Variants in ZNF20 observed in about 807,000 individuals in gnomAD.
ZNF20 encodes the protein zinc finger protein KOX13.
Under a neutral mutation model 11.0 loss-of-function variants are expected in ZNF20, and 9 were observed. That is an observed-to-expected ratio of 0.82 (90% CI 0.49 to 1.43). The LOEUF (loss-of-function observed/expected upper bound fraction) is 1.43. ZNF20 is among the 40% of genes most tolerant of loss of function. ZNF20 has a pLI of 0.00. For missense variants in ZNF20, 528 were observed against 640.8 expected (o/e 0.82, Z 1.90); for synonymous variants, 182 against 213.0 (o/e 0.85, Z 1.27).
chr19:12,134,512 G>A (rs1344739135), intron 3 of ZNF20, among the ~76,000 whole-genome samples: 4 of 151,982 alleles, frequency 2.6e-5, no homozygotes, highest in African/African-American at 4.8e-5. Flanking sequence ...GTGTGACGGC[G>A]TGCGCTTGTA....
At position 12,135,830 on chromosome 19, in the gene ZNF20, A is replaced by C. The variant is rs759062025; in HGVS notation, c.78T>G (p.Pro26=). Residue 26 remains proline (P), a synonymous_variant, in exon 2 of 4, where the codon CCT becomes CCG. Coordinates refer to ENST00000334213, the MANE Select transcript of ZNF20 (RefSeq NM_021143.4). The stretch of plus-strand genomic sequence containing the variant: ...CATCCCTGTAGAGATTCTTCTGGGA[A>C]GGATCCAGCAAAGCCCACTCCTCCT... ...FTQEEWALLD[P]SQKNLYRDVM... 1 of 1,614,054 alleles carries C rather than the reference A, an allele frequency of 6.2e-7. No individual in the cohort carries two copies. The highest frequency in any genetic ancestry group is 1.3e-5 in the African/African-American group (1 of 74,926).
intron 1 of ZNF20, among the ~76,000 whole-genome samples, chr19:12,138,346 G>A (rs1976744932): frequency 6.6e-6 from 1 of 151,356 alleles, no homozygotes; most frequent in South Asian, 2.1e-4. Context: ...TCGGGAGACT[G>A]AGGGCAGGAG....
Position 12,132,651 on chromosome 19 carries a change from C to T in ZNF20, c.1535G>A (p.Gly512Asp). The T allele has an allele frequency of 6.2e-7, 1 of 1,613,714 alleles. No individual in the cohort carries two copies. Among genetic ancestry groups the T allele is most frequent in the Non-Finnish European group, 8.5e-7 (1 of 1,179,878 alleles). The change falls in exon 4 of 4, where the codon GGC becomes GAC. Residue 512 changes from glycine (G) to aspartate (D), a missense_variant. Transcript: ENST00000334213. Reference protein sequence around the residue: ...GEKPYQCKQCGKAFIRASSCR... With the variant: ...GEKPYQCKQCDKAFIRASSCR... ...TGAACTGGCACGAATAAAGGCTTTG[C>T]CACATTGCTTGCATTGATAGGGTTT...
intron 3 of ZNF20, 85 bp downstream of exon 3, chr19:12,135,415 C>T (rs1976694335): frequency 1.4e-6 from 2 of 1,401,798 alleles, no homozygotes; most frequent in Non-Finnish European, 2.0e-6. Context: ...GCTGGGATTA[C>T]AGGCGTGAGC....
rs2145596472 is a variant in ZNF20, at chr19:12,132,702, T to C, written c.1484A>G (p.Tyr495Cys). ...GKAFISNYIR[Y>C]HERTHTGEKP... is the part of the protein sequence containing the mutation. ...CTCTCCAGTGTGAGTCCTTTCATGATATCGAATGTAATTGGAAATAAAGGC... is the reference window on the plus strand; with the variant it reads ...CTCTCCAGTGTGAGTCCTTTCATGACATCGAATGTAATTGGAAATAAAGGC... The change falls in exon 4 of 4, where the codon TAT becomes TGT. Residue 495 changes from tyrosine to cysteine, a missense_variant. Transcript: ENST00000334213. 1 of 1,613,984 alleles carries C rather than the reference T, an allele frequency of 6.2e-7. No individual in the cohort carries two copies. Among genetic ancestry groups the C allele is most frequent in the Non-Finnish European group, 8.5e-7 (1 of 1,179,990 alleles).
chr19:12,133,636 A>G lies in ZNF20; in HGVS notation c.550T>C (p.Ser184Pro). ...ATTACCCTGTGTCTTTGAATGCATG[A>G]ATGGGAAATGAAGGTTTCTGTACAT... ...KECTETFISH[S>P]CIQRHRVMHS... Residue 184 changes from serine to proline, a missense_variant, in exon 4 of 4, where the codon TCA becomes CCA. Coordinates refer to ENST00000334213, the MANE Select transcript of ZNF20 (RefSeq NM_021143.4). The G allele has an allele frequency of 6.2e-7, 1 of 1,614,238 alleles. No individual in the cohort carries two copies.
chr19:12,135,347 G>T, intron 3 of ZNF20, 153 bp downstream of exon 3: 2 of 710,992 alleles, frequency 2.8e-6, no homozygotes, highest in Non-Finnish European at 4.7e-6. Flanking sequence ...TCACCATATT[G>T]GCCGGGCTGG....
Position 12,133,814 on chromosome 19 carries a change from G to A in ZNF20, c.372C>T (p.Ile124=). 3 of 1,614,148 alleles carry A rather than the reference G, an allele frequency of 1.9e-6. No individual in the cohort carries two copies. The highest frequency in any genetic ancestry group is 2.7e-5 in the African/African-American group (2 of 75,030). Residue 124 remains isoleucine, a synonymous_variant, in exon 4 of 4, where the codon ATC becomes ATT. Coordinates refer to ENST00000334213, the MANE Select transcript of ZNF20 (RefSeq NM_021143.4). ...ATGACTTGTGTCCAGTGTCAGCTCT[G>A]ATATGCGTATTAAGAGATGAATGAC... ...GTGHSSLNTH[I]RADTGHKSSE... is the part of the protein sequence containing the mutation.
chr19:12,133,985 A>C lies in ZNF20; in HGVS notation c.201T>G (p.Ser67Arg), dbSNP rs757489842. 5.0e-6 allele frequency: 8 copies of C among 1,597,254 alleles called. No homozygotes were observed. Among genetic ancestry groups the C allele is most frequent in the African/African-American group, 2.7e-5 (2 of 74,076 alleles). Residue 67 changes from serine (S) to arginine (R), a missense_variant and splice_region_variant, in exon 4 of 4, where the codon AGT becomes AGG. Transcript: ENST00000334213. ...TTTCACAGAGTTTCTCTCTCATAAG[A>C]CTTCAGTGAAAAATGAGAAGCACAT... ...DEYKNPRRNL[S>R]LMREKLCESK...
At chr19:12,134,084 G>C in intron 3 of ZNF20, 99 bp from the exon 4 acceptor site, 2 of 1,048,310 alleles carry the variant, frequency 1.9e-6, no homozygotes, top group Non-Finnish European at 2.7e-6. Flanking sequence ...AGCACTTTGG[G>C]AGGCTGAGGT....
At position 12,133,315 on chromosome 19, in the gene ZNF20, C is replaced by G. The variant is rs758147372; in HGVS notation, c.871G>C (p.Val291Leu). 1 of 1,614,196 alleles carries G rather than the reference C, an allele frequency of 6.2e-7. No individual in the cohort carries two copies. Among genetic ancestry groups the G allele is most frequent in the Non-Finnish European group, 8.5e-7 (1 of 1,180,028 alleles). The stretch of plus-strand genomic sequence containing the variant: ...TGAATGGAACTGAAAGAAATGAAGA[C>G]TTTCCCACATTGCTTACACTCATAG... ...KPYECKQCGK[V>L]FISFSSIQYH... The change falls in exon 4 of 4, where the codon GTC (valine) becomes CTC (leucine). Residue 291 changes from valine to leucine, a missense_variant. Val to Leu is a conservative substitution (Grantham distance 32). Coordinates refer to ENST00000334213, the MANE Select transcript of ZNF20 (RefSeq NM_021143.4).
intron 3 of ZNF20, among the ~76,000 whole-genome samples, chr19:12,134,826 T>C (rs2145598880): frequency 6.6e-6 from 1 of 152,304 alleles, no homozygotes; most frequent in Middle Eastern, 3.4e-3. Context: ...TATGGGGCTT[T>C]GTAATCCTAT....
At chr19:12,135,586 C>T in intron 2 of ZNF20, 26 bp from the exon 3 acceptor site, 1 of 1,609,384 alleles carries the variant, frequency 6.2e-7, no homozygotes, top group East Asian at 2.2e-5. Flanking sequence ...GGAGAAAACA[C>T]AGATCCAGAA....
rs1471653368 is a variant in ZNF20 at position 12,133,709 on chromosome 19, T to C, written c.477A>G (p.Gln159=). 6.2e-7 allele frequency: 1 copy of C among 1,614,136 alleles called. No homozygotes were observed. The highest frequency in any genetic ancestry group is 2.2e-5 in the East Asian group (1 of 44,896). The change falls in exon 4 of 4, where the codon CAA becomes CAG. Residue 159 remains glutamine, a synonymous_variant. Transcript: ENST00000334213. ...CTTTAGTGCAAGCTTTATCATGTGA[T>C]TGAAAGGAGTCAAGATAACTGAAGG... ...KKAFSYLDSF[Q]SHDKACTKEK...
intron 1 of ZNF20, among the ~76,000 whole-genome samples, chr19:12,136,696 A>G (rs1487798626): frequency 6.6e-6 from 1 of 152,114 alleles, no homozygotes; most frequent in African/African-American, 2.4e-5. Context: ...TCGAAAAAAT[A>G]AAATAAAATA....
In ZNF20 at chr19:12,133,015, C is replaced by T. The variant is rs922581532; in HGVS notation, c.1171G>A (p.Gly391Arg). 6.2e-7 allele frequency: 1 copy of T among 1,613,922 alleles called. No individual in the cohort carries two copies. The highest frequency in any genetic ancestry group is 8.5e-7 in the Non-Finnish European group (1 of 1,179,956). ...QLQIHERTHS[G>R]EKPHECKECG... is the part of the protein sequence containing the mutation. ...TCCTTACATTCATGGGGTTTCTCTC[C>T]ACTGTGCGTCCTTTCATGAATTTGA... Residue 391 changes from glycine (G) to arginine (R), a missense_variant, in exon 4 of 4, where the codon GGA becomes AGA. Physicochemically the swap from Gly to Arg is moderately radical, Grantham distance 125. Transcript: ENST00000334213.
chr19:12,133,673 A>G lies in ZNF20; in HGVS notation c.513T>C (p.Tyr171=). The G allele has an allele frequency of 1.9e-6, 3 of 1,614,206 alleles. No individual in the cohort carries two copies. Among genetic ancestry groups the G allele is most frequent in the Middle Eastern group, 1.6e-4 (1 of 6,062 alleles). Residue 171 remains tyrosine (Y), a synonymous_variant, in exon 4 of 4, where the codon TAT becomes TAC. Transcript: ENST00000334213. The part of the protein sequence containing the change: ...HDKACTKEKP[Y]DGKECTETFI... ...AGGTTTCTGTACATTCTTTACCATC[A>G]TAGGGTTTCTCTTTAGTGCAAGCTT... is the stretch of plus-strand genomic sequence containing the variant.
intron 1 of ZNF20, among the ~76,000 whole-genome samples, chr19:12,136,340 C>T (rs1479098849): frequency 6.6e-6 from 1 of 151,964 alleles, no homozygotes; most frequent in Non-Finnish European, 1.5e-5. Flanking sequence ...CGCGTCACTG[C>T]ACTCCGGCCT....
At position 12,133,740 on chromosome 19, in the gene ZNF20, T is replaced by C. The variant is rs1409175217; in HGVS notation, c.446A>G (p.Lys149Arg). The C allele has an allele frequency of 5.0e-6, 8 of 1,614,184 alleles. No individual in the cohort carries two copies. The highest frequency in any genetic ancestry group is 1.6e-4 in the Middle Eastern group (1 of 6,062). The change falls in exon 4 of 4, where the codon AAG (lysine) becomes AGG (arginine). Residue 149 changes from lysine to arginine, a missense_variant. Transcript: ENST00000334213. ...GENPYRNKEC[K>R]KAFSYLDSFQ... is the part of the protein sequence containing the mutation. ...GGAGTCAAGATAACTGAAGGCTTTC[T>C]TACATTCCTTATTTCTATATGGATT...
Sources: gnomAD v4.1 joint callset for allele counts (sites outside exome capture counted in the v4.1 genomes callset) on GRCh38, gnomAD v4.1.1 for gene constraint, MANE v1.5 for transcripts, NCBI Gene and HGNC (gene_info 2026-07-23, HGNC 2026-07-21) for gene names.